The following CLSTN1 variants were observed in gnomAD, a reference collection of about 807,000 sequenced individuals.
CLSTN1 encodes calsyntenin-1.
A neutral mutation model predicts 108.3 loss-of-function variants in CLSTN1; 28 were observed. The ratio of observed to expected loss-of-function variants is 0.26; its 90% CI spans 0.19 to 0.35. The LOEUF is 0.35. Among genes scored for constraint, CLSTN1 ranks in the 10% least tolerant of loss-of-function variants. The probability of loss-of-function intolerance (pLI) is 1.00; values close to 1 mark genes in which losing one functional copy is unlikely to be tolerated. For synonymous variants in CLSTN1, 524 were observed against 534.9 expected, an observed-to-expected ratio of 0.98 and a Z score of 0.28; for missense variants, 1,157 against 1,302.6, an observed-to-expected ratio of 0.89 and a Z score of 1.72.
At chr1:9,813,962 C>T (rs1427088985) in intron 1 of CLSTN1, among the ~76,000 whole-genome samples, 4 of 151,722 alleles carry the variant, frequency 2.6e-5, no homozygotes, top group Non-Finnish European at 2.9e-5. Context: ...ATTAGCCGGG[C>T]GCAGTGGCAG....
chr1:9,735,962 T>C lies in CLSTN1; in HGVS notation c.1657A>G (p.Lys553Glu), dbSNP rs747910266. 3.7e-6 allele frequency: 6 copies of C among 1,614,168 alleles called. No individual in the cohort carries two copies. The highest frequency in any genetic ancestry group is 5.1e-6 in the Non-Finnish European group (6 of 1,180,028). Residue 553 changes from lysine (K) to glutamate (E), a missense_variant, in exon 12 of 19, where the codon AAG becomes GAG. Physicochemically the swap from Lys to Glu is moderately conservative, Grantham distance 56 (BLOSUM62 1). Coordinates refer to ENST00000377298, the MANE Select transcript of CLSTN1 (RefSeq NM_001009566.3). ...TLRSGKLADKKVIDCLYTCKE... is the reference protein window; with the variant it reads ...TLRSGKLADKEVIDCLYTCKE... ...CAGGTATACAGACAGTCGATCACCT[T>C]CTTATCCGCGAGTTTCCCGGAACGG... is the stretch of plus-strand genomic sequence containing the variant.
chr1:9,776,864 A>G (rs1652976590), intron 1 of CLSTN1, among the ~76,000 whole-genome samples: 1 of 121,304 alleles, frequency 8.2e-6, no homozygotes, highest in Admixed American at 8.8e-5. Flanking sequence ...ATCAGCATTT[A>G]TCTATCTATC....
At chr1:9,778,583 T>C (rs1186922280) in intron 1 of CLSTN1, among the ~76,000 whole-genome samples, 1 of 152,064 alleles carries the variant, frequency 6.6e-6, no homozygotes, top group African/African-American at 2.4e-5. Context: ...TGGAAAAGGT[T>C]AAGTTATGGA....
rs747536833 is a variant in CLSTN1, at chr1:9,744,570, G to A, written c.1059C>T (p.Thr353=). Residue 353 remains threonine, a synonymous_variant, in exon 8 of 19, where the codon ACC becomes ACT. Transcript: ENST00000377298. ...GSLNWTMGLP[T]DNGHDSDQVF... ...CCTGGTCGCTGTCGTGGCCATTGTC[G>A]GTGGGCAGGCCCATGGTCCAGTTGA... is the stretch of plus-strand genomic sequence containing the variant. The A allele has an allele frequency of 2.9e-5, 47 of 1,613,670 alleles. No individual in the cohort carries two copies. Among genetic ancestry groups the A allele is most frequent in the East Asian group, 1.1e-4 (5 of 44,858 alleles).
intron 1 of CLSTN1, among the ~76,000 whole-genome samples, chr1:9,779,981 T>C (rs1653164726): frequency 6.6e-6 from 1 of 151,994 alleles, no homozygotes; most frequent in African/African-American, 2.4e-5. Flanking sequence ...GCCTCCTGAG[T>C]AGCTGGAATT....
intron 7 of CLSTN1, among the ~76,000 whole-genome samples, chr1:9,747,993 G>A (rs1428064756): frequency 2.0e-5 from 3 of 151,292 alleles, no homozygotes; most frequent in Non-Finnish European, 4.4e-5. Context: ...GCAGTGAGCC[G>A]AGATGGCGCC....
rs564647610 is a variant in CLSTN1 at position 9,744,508 on chromosome 1, G to A, written c.1121C>T (p.Pro374Leu). ...EFNGTQAVRI[P>L]DGVVSVSPKE... The stretch of plus-strand genomic sequence containing the variant: ...GGGGCTGACCGACACGACGCCATCC[G>A]GGATCCTCACTGCCTGGGTGCCGTT... Residue 374 changes from proline (P) to leucine (L), a missense_variant, in exon 8 of 19, where the codon CCG becomes CTG. Physicochemically the swap from Pro to Leu is moderately conservative, Grantham distance 98 (BLOSUM62 -3). Coordinates refer to ENST00000377298, the MANE Select transcript of CLSTN1 (RefSeq NM_001009566.3). 197 of 1,612,886 alleles carry A rather than the reference G, an allele frequency of 1.2e-4. No homozygotes were observed. The highest frequency in any genetic ancestry group is 1.6e-4 in the Middle Eastern group (1 of 6,084).
intron 2 of CLSTN1, among the ~76,000 whole-genome samples, chr1:9,757,303 G>T (rs1302068848): frequency 1.3e-5 from 2 of 149,854 alleles, no homozygotes; most frequent in Admixed American, 1.3e-4. Context: ...GTGCAGTGGC[G>T]TGATCTCGGC....
At chr1:9,775,324 G>C (rs1462008593) in intron 1 of CLSTN1, among the ~76,000 whole-genome samples, 3 of 151,650 alleles carry the variant, frequency 2.0e-5, no homozygotes, top group Non-Finnish European at 4.4e-5. Context: ...TCGTAAACCA[G>C]GGACACCCCC....
chr1:9,746,156 A>G (rs1347474991), intron 7 of CLSTN1, among the ~76,000 whole-genome samples: 1 of 152,166 alleles, frequency 6.6e-6, no homozygotes, highest in African/African-American at 2.4e-5. Flanking sequence ...TTTTCCTATT[A>G]TAAACCTCAC....
rs570352693 is a variant in CLSTN1, at chr1:9,813,509, A to AC, written c.91+10133_91+10134insG. ...GCAAGACTCTGTCTCAAAAAAAAAA[A>AC]AAAGAAAGAAAGAAAAAGAAAAACA... On this transcript the variant is annotated intron_variant, in intron 1 of 18. Coordinates refer to ENST00000377298, the MANE Select transcript of CLSTN1 (RefSeq NM_001009566.3). 2.2e-3 allele frequency among the ~76,000 whole-genome samples: 330 copies of AC among 152,066 alleles called. 1 individual carries two copies. The highest frequency in any genetic ancestry group is 6.7e-3 in the African/African-American group (280 of 41,492).
At chr1:9,756,201 T>C (rs1241936033) in intron 3 of CLSTN1, among the ~76,000 whole-genome samples, 1 of 152,212 alleles carries the variant, frequency 6.6e-6, no homozygotes, top group Admixed American at 6.5e-5. Context: ...TTCCAACTAA[T>C]AGAAAATTGT....
At chr1:9,817,752 CTAA>C (rs1655028961) in intron 1 of CLSTN1, among the ~76,000 whole-genome samples, 1 of 152,086 alleles carries the variant, frequency 6.6e-6, no homozygotes, top group Non-Finnish European at 1.5e-5. Flanking sequence ...AATTTTTAAT[CTAA>C]TAATAATATC....
chr1:9,744,135 G>A, intron 8 of CLSTN1, 130 bp from the exon 9 acceptor site: 1 of 1,317,534 alleles, frequency 7.6e-7, no homozygotes, highest in Non-Finnish European at 1.0e-6. Flanking sequence ...AGCCAAGGCA[G>A]GGCTTAGAAA....
chr1:9,806,913 T>G (rs1654532285), intron 1 of CLSTN1, among the ~76,000 whole-genome samples: 1 of 151,988 alleles, frequency 6.6e-6, no homozygotes, highest in African/African-American at 2.4e-5. Context: ...ACAAAATGTT[T>G]ACACTAATGA....
intron 1 of CLSTN1, among the ~76,000 whole-genome samples, chr1:9,780,323 AGACTTAAACTAAAT>A (rs1653183648): frequency 6.6e-6 from 1 of 152,202 alleles, no homozygotes; most frequent in Non-Finnish European, 1.5e-5. Context: ...AAAACTCCTG[AGACTTAAACTAAAT>A]GAATTTATGT....
chr1:9,802,818 CTTAGATT>C (rs1181684798), intron 1 of CLSTN1, among the ~76,000 whole-genome samples: 2 of 132,010 alleles, frequency 1.5e-5, no homozygotes. Flanking sequence ...AGCTGATTTT[CTTAGATT>C]TTTTTTTTTT....
chr1:9,790,583 T>G (rs1347611997), intron 1 of CLSTN1, among the ~76,000 whole-genome samples: 1 of 151,514 alleles, frequency 6.6e-6, no homozygotes, highest in African/African-American at 2.4e-5. Context: ...ATTTTGTCAG[T>G]ATATTTCAAT....
rs1466090249 is a variant in CLSTN1 at position 9,773,351 on chromosome 1, T to G, written c.135A>C (p.Ile45=). 4 of 1,613,998 alleles carry G rather than the reference T, an allele frequency of 2.5e-6. No individual in the cohort carries two copies. Among genetic ancestry groups the G allele is most frequent in the Admixed American group, 1.7e-5 (1 of 59,992 alleles). The change falls in exon 2 of 19, where the codon ATA becomes ATC. Residue 45 remains isoleucine (I), a synonymous_variant. Transcript: ENST00000377298. ...GCACGGTGTTGTCGTTCTCTGTGAC[T>G]ATGCCGTGGTAGGTGGGCTCCAGCC... ...KPWLEPTYHG[I]VTENDNTVLL... is the part of the protein sequence containing the mutation.
Sources: gnomAD v4.1 joint callset for allele counts (sites outside exome capture counted in the v4.1 genomes callset) on GRCh38, gnomAD v4.1.1 for gene constraint, MANE v1.5 for transcripts, NCBI Gene and HGNC (gene_info 2026-07-23, HGNC 2026-07-21) for gene names.